Variants in PCDH19 observed in about 807,000 individuals in gnomAD.
PCDH19 encodes the protein protocadherin 19.
Under a neutral mutation model 46.2 loss-of-function variants are expected in PCDH19, and 6 were observed. The observed-to-expected ratio is 0.13, with a 90% CI of 0.07 to 0.26. PCDH19 has a LOEUF of 0.26. Ranked by LOEUF, PCDH19 falls within the 10% of genes least tolerant of loss-of-function variation. The pLI is 1.00. For missense variants in PCDH19, 740 were observed against 972.3 expected (o/e 0.76, Z 3.18); for synonymous variants, 481 against 415.7 (o/e 1.16, Z -1.91).
intron 3 of PCDH19, among the ~76,000 whole-genome samples, chrX:100,387,251 G>A (rs771159153): frequency 1.8e-5 from 2 of 111,822 alleles, no homozygotes; most frequent in Non-Finnish European, 3.8e-5. Context: ...GTTACTAGAT[G>A]AGGAAGCAAT....
chrX:100,353,072 AGACCCAT>A (rs1446140694), intron 3 of PCDH19, among the ~76,000 whole-genome samples: 1 of 112,014 alleles, frequency 8.9e-6, no homozygotes, highest in Admixed American at 9.5e-5. Context: ...TGCATTTATC[AGACCCAT>A]GACAGGAATG....
intron 5 of PCDH19, among the ~76,000 whole-genome samples, chrX:100,331,563 A>G (rs1187051142): frequency 9.0e-6 from 1 of 111,439 alleles, no homozygotes; most frequent in Non-Finnish European, 1.9e-5. Context: ...TAGCTCTGTG[A>G]CCCCACCCAA....
At position 100,402,814 on chromosome X, in the gene PCDH19, T is replaced by C; in HGVS notation, c.2326A>G (p.Ser776Gly). The part of the protein sequence containing the change: ...EYSYGHQKKS[S>G]KKKKISKNDI... ...TTCTTACTGATTTTTTTCTTCTTGC[T>C]TGATTTCTTTTGATGCCCATAGGAG... is the stretch of plus-strand genomic sequence containing the variant. Residue 776 changes from serine (S) to glycine (G), a missense_variant, in exon 3 of 6, where the codon AGC becomes GGC. This residue lies in a region of PCDH19 where 416 missense variants were observed against 476.8 expected (regional missense o/e 0.87). Transcript: ENST00000373034. 1 of 1,210,147 alleles carries C rather than the reference T, an allele frequency of 8.3e-7. No homozygotes were observed. Among genetic ancestry groups the C allele is most frequent in the Non-Finnish European group, 1.1e-6 (1 of 894,310 alleles).
rs1232390458 is a variant in PCDH19, at chrX:100,294,954, C to A, written c.*1323G>T. On this transcript the variant is annotated 3_prime_UTR_variant, in exon 6 of 6. Coordinates refer to ENST00000373034, the MANE Select transcript of PCDH19 (RefSeq NM_001184880.2). ...GTATTTTCTTGTTCACATTTTTAAT[C>A]AAAAAACTATTAGTCATAAAAAGAT... 8.9e-6 allele frequency: 1 copy of A among 112,362 alleles called. No homozygotes were observed. The highest frequency in any genetic ancestry group is 9.4e-5 in the Admixed American group (1 of 10,600). The allele number at this position is 112,362 out of a possible 1,213,427, so 9.3% of individuals were successfully genotyped here.
intron 3 of PCDH19, among the ~76,000 whole-genome samples, chrX:100,381,470 G>A (rs902747687): frequency 1.8e-5 from 2 of 111,955 alleles, no homozygotes; most frequent in Non-Finnish European, 3.8e-5. Context: ...AATTTCATTT[G>A]AGGTTAATGC....
chrX:100,324,122 G>T (rs1341533717), intron 5 of PCDH19, among the ~76,000 whole-genome samples: 1 of 111,812 alleles, frequency 8.9e-6, no homozygotes, highest in African/African-American at 3.3e-5. Flanking sequence ...AATGGAGACA[G>T]TTATCAACTA....
At chrX:100,337,770 A>G (rs879244928) in intron 5 of PCDH19, among the ~76,000 whole-genome samples, 4 of 111,581 alleles carry the variant, frequency 3.6e-5, no homozygotes, top group Non-Finnish European at 7.5e-5. Flanking sequence ...TGCATTGTAT[A>G]TTTCAAGATA....
chrX:100,395,728 G>A (rs1928009115), intron 3 of PCDH19, among the ~76,000 whole-genome samples: 1 of 113,338 alleles, frequency 8.8e-6, no homozygotes, highest in African/African-American at 3.2e-5. Flanking sequence ...TGTCCCCACA[G>A]CTGCAGGAAT....
At chrX:100,321,389 G>A (rs552745228) in intron 5 of PCDH19, among the ~76,000 whole-genome samples, 63 of 112,152 alleles carry the variant, frequency 5.6e-4, no homozygotes, top group Middle Eastern at 4.6e-3. Flanking sequence ...TCCACCAGCA[G>A]TGTGGAAGTT....
chrX:100,402,506 CCACTTAGCTG>C lies in PCDH19; in HGVS notation c.2616+8_2616+17del. The C allele has an allele frequency of 1.7e-6, 2 of 1,192,905 alleles. No individual in the cohort carries two copies. The highest frequency in any genetic ancestry group is 4.7e-4 in the Middle Eastern group (2 of 4,287). ...GGAGACCTGGGAGAACCTCACAGAG[CCACTTAGCTG>C]CACTCACCTCAGGCAGAGGCACACC... is the stretch of plus-strand genomic sequence containing the variant. On this transcript the variant is annotated splice_region_variant and intron_variant, in intron 3 of 5. Transcript: ENST00000373034.
At chrX:100,378,647 C>T (rs1248571259) in intron 3 of PCDH19, among the ~76,000 whole-genome samples, 1 of 112,453 alleles carries the variant, frequency 8.9e-6, no homozygotes, top group African/African-American at 3.2e-5. Flanking sequence ...ACAAGCCAAG[C>T]AATTCTTTCT....
At chrX:100,381,174 C>T (rs1425640950) in intron 3 of PCDH19, among the ~76,000 whole-genome samples, 1 of 111,840 alleles carries the variant, frequency 8.9e-6, no homozygotes, top group Non-Finnish European at 1.9e-5. Context: ...TTGTAAACAC[C>T]TCATCTTACT....
rs1181960076 is a variant in PCDH19, at chrX:100,296,299, C to T, written c.3425G>A (p.Arg1142His). 7.4e-6 allele frequency: 9 copies of T among 1,208,982 alleles called. No homozygotes were observed. Among genetic ancestry groups the T allele is most frequent in the East Asian group, 3.0e-5 (1 of 33,838 alleles). The change falls in exon 6 of 6, where the codon CGT becomes CAT. Residue 1142 changes from arginine (R) to histidine (H), a missense_variant. Physicochemically the swap from Arg to His is conservative, Grantham distance 29 (BLOSUM62 0). Coordinates refer to ENST00000373034, the MANE Select transcript of PCDH19 (RefSeq NM_001184880.2). Reference protein sequence around the residue: ...GRNKESPGVKRLKDIVL With the variant: ...GRNKESPGVKHLKDIVL ...GGTTTAGAGAACGATATCCTTCAGA[C>T]GCTTCACACCAGGGGACTCTTTGTT...
At chrX:100,398,013 T>C (rs201321165) in intron 3 of PCDH19, among the ~76,000 whole-genome samples, 5 of 104,442 alleles carry the variant, frequency 4.8e-5, no homozygotes, top group Admixed American at 2.1e-4. Flanking sequence ...CACACACACA[T>C]ACACACACAC....
At chrX:100,366,189 G>A (rs145786086) in intron 3 of PCDH19, among the ~76,000 whole-genome samples, 1,127 of 111,903 alleles carry the variant, frequency 0.01, 12 homozygotes, top group African/African-American at 0.035. Flanking sequence ...ATTTATAATT[G>A]CTAGAGATAA....
intron 3 of PCDH19, among the ~76,000 whole-genome samples, chrX:100,365,794 G>A (rs772182126): frequency 1.8e-5 from 2 of 111,715 alleles, no homozygotes; most frequent in African/African-American, 6.5e-5. Context: ...CCAAAGCAAC[G>A]CAGCTGGTTA....
At chrX:100,377,950 TAAC>T (rs1331425445) in intron 3 of PCDH19, among the ~76,000 whole-genome samples, 1 of 112,383 alleles carries the variant, frequency 8.9e-6, no homozygotes, top group African/African-American at 3.2e-5. Flanking sequence ...CGTTGGTGAT[TAAC>T]CAGACTGGTC....
At position 100,405,568 on chromosome X, in the gene PCDH19, C is replaced by T. The variant is rs183109925; in HGVS notation, c.2147+883G>A. 1.0e-3 allele frequency among the ~76,000 whole-genome samples: 99 copies of T among 97,924 alleles called. 2 individuals are homozygous for T. Among genetic ancestry groups the T allele is most frequent in the African/African-American group, 3.8e-3 (98 of 25,928 alleles). The allele number at this position is 97,924 out of a possible 115,157, so 85.0% of individuals were successfully genotyped here. A position where few individuals can be genotyped will look rare whatever the true frequency, so the allele number is the denominator to read the frequency against. Reference sequence around the variant, plus strand: ...CTATCCCTCTCTCTCTCCCTCCCCCCCCCATACACACACAGACACACACAC... The same window carrying T: ...CTATCCCTCTCTCTCTCCCTCCCCCTCCCATACACACACAGACACACACAC... On this transcript the variant is annotated intron_variant, in intron 1 of 5. Transcript: ENST00000373034.
chrX:100,329,193 G>T (rs955497244), intron 5 of PCDH19, among the ~76,000 whole-genome samples: 1 of 112,564 alleles, frequency 8.9e-6, no homozygotes, highest in Non-Finnish European at 1.9e-5. Context: ...AACTTCAGTT[G>T]ACATCAATTA....
Sources: allele counts gnomAD v4.1 joint callset (sites outside exome capture counted in the v4.1 genomes callset), GRCh38; gene constraint gnomAD v4.1.1; regional missense constraint gnomAD v4.1.1; transcripts MANE v1.5; gene names NCBI Gene and HGNC (gene_info 2026-07-23, HGNC 2026-07-21).